The following KCNJ6 variants were observed in gnomAD, a reference collection of about 807,000 sequenced individuals.
KCNJ6 encodes G protein-activated inward rectifier potassium channel 2.
Under a neutral mutation model 34.2 loss-of-function variants are expected in KCNJ6, and 9 were observed. The observed-to-expected ratio is 0.26, with a 90% CI of 0.16 to 0.46. KCNJ6 has a LOEUF of 0.46. KCNJ6 is among the 20% of genes least tolerant of loss of function. The pLI is 1.00. For missense variants in KCNJ6, 236 were observed against 531.3 expected (o/e 0.44, Z 5.46); for synonymous variants, 196 against 207.1 (o/e 0.95, Z 0.46).
At chr21:37,912,428 C>A (rs967843582) in intron 1 of KCNJ6, among the ~76,000 whole-genome samples, 1 of 152,140 alleles carries the variant, frequency 6.6e-6, no homozygotes, top group Non-Finnish European at 1.5e-5. Context: ...TGACACCACC[C>A]CCCTTTTTAA....
intron 1 of KCNJ6, among the ~76,000 whole-genome samples, chr21:37,899,529 T>A (rs1464705191): frequency 6.6e-6 from 1 of 152,172 alleles, no homozygotes; most frequent in Non-Finnish European, 1.5e-5. Context: ...ACCACACTTT[T>A]GCTGACACTC....
At chr21:37,911,930 T>C (rs2055868787) in intron 1 of KCNJ6, among the ~76,000 whole-genome samples, 1 of 152,204 alleles carries the variant, frequency 6.6e-6, no homozygotes, top group Non-Finnish European at 1.5e-5. Context: ...CTTAAATAAC[T>C]ATTCTAATTT....
At chr21:37,778,202 A>G (rs1291131344) in intron 2 of KCNJ6, among the ~76,000 whole-genome samples, 1 of 152,182 alleles carries the variant, frequency 6.6e-6, no homozygotes, top group Non-Finnish European at 1.5e-5. Context: ...TGACTAGGGT[A>G]TGATTCTGTC....
Position 37,803,096 on chromosome 21 carries a change from C to T in KCNJ6, c.25+37562G>A, listed in dbSNP as rs149941812. ...CGTCCTTGGCTCATCCTTGTCAACG[C>T]ACAGCGAACTGGTTAAATTCTAAGC... On this transcript the variant is annotated intron_variant, in intron 2 of 3. Transcript: ENST00000609713. Among the ~76,000 whole-genome samples, 839 of 152,306 alleles carry T rather than the reference C, an allele frequency of 5.5e-3. 5 individuals are homozygous for T. The highest frequency in any genetic ancestry group is 0.016 in the African/African-American group (675 of 41,564).
At chr21:37,819,122 G>T (rs1290330201) in intron 2 of KCNJ6, among the ~76,000 whole-genome samples, 1 of 152,118 alleles carries the variant, frequency 6.6e-6, no homozygotes, top group African/African-American at 2.4e-5. Flanking sequence ...ATTGGCCTTG[G>T]GTAGTTATTA....
intron 2 of KCNJ6, among the ~76,000 whole-genome samples, chr21:37,768,846 C>T (rs963820894): frequency 5.9e-5 from 9 of 152,232 alleles, no homozygotes; most frequent in Admixed American, 1.3e-4. Context: ...AATGGCAAAA[C>T]GTAATTGAAT....
chr21:37,818,247 C>T (rs899609779), intron 2 of KCNJ6, among the ~76,000 whole-genome samples: 1 of 119,916 alleles, frequency 8.3e-6, no homozygotes, highest in Non-Finnish European at 1.8e-5. Flanking sequence ...TGTGTGTGTA[C>T]TCTGAATGCT....
At chr21:37,780,588 G>T (rs965451170) in intron 2 of KCNJ6, among the ~76,000 whole-genome samples, 7 of 151,932 alleles carry the variant, frequency 4.6e-5, no homozygotes, top group African/African-American at 1.7e-4. Context: ...TGGGGGTGGG[G>T]GAGTGCAGGT....
intron 1 of KCNJ6, 30 bp from the exon 2 acceptor site, chr21:37,840,739 G>A: frequency 8.2e-7 from 1 of 1,222,576 alleles, no homozygotes. Flanking sequence ...ACAATTATCT[G>A]TAAAACATGT....
intron 2 of KCNJ6, among the ~76,000 whole-genome samples, chr21:37,809,550 T>C (rs751891165): frequency 9.2e-5 from 14 of 152,134 alleles, no homozygotes; most frequent in Non-Finnish European, 1.9e-4. Flanking sequence ...AAAGATATTA[T>C]TATTCTTAGA....
chr21:37,874,894 G>C (rs1315123583), intron 1 of KCNJ6, among the ~76,000 whole-genome samples: 1 of 152,152 alleles, frequency 6.6e-6, no homozygotes, highest in African/African-American at 2.4e-5. Context: ...GCAATGACCT[G>C]ACTGGCCTCT....
rs534248411 is a variant in KCNJ6, at chr21:37,675,774, C to G, written c.946+38437G>C. Reference sequence around the variant, plus strand: ...AAGAATTTGGAGGTCCACCCCTAAACAGTCCATCACTGTTACATTGACTCC... The same window carrying G: ...AAGAATTTGGAGGTCCACCCCTAAAGAGTCCATCACTGTTACATTGACTCC... On this transcript the variant is annotated intron_variant, in intron 3 of 3. Coordinates refer to ENST00000609713, the MANE Select transcript of KCNJ6 (RefSeq NM_002240.5). This position sits in a 1 kb window ranked among gnomAD's most constrained non-coding sequence, Gnocchi z 4.2. 6.2e-4 allele frequency among the ~76,000 whole-genome samples: 94 copies of G among 152,328 alleles called. No individual in the cohort carries two copies. The highest frequency in any genetic ancestry group is 3.4e-3 in the Middle Eastern group (1 of 294).
At chr21:37,662,443 A>G (rs1345408209) in intron 3 of KCNJ6, among the ~76,000 whole-genome samples, 1 of 152,168 alleles carries the variant, frequency 6.6e-6, no homozygotes, top group East Asian at 1.9e-4. Flanking sequence ...ACATGATCTC[A>G]TTCCTTTTTA....
Position 37,661,573 on chromosome 21 carries a change from T to TA in KCNJ6, c.947-36090dup, listed in dbSNP as rs1412732339. Among the ~76,000 whole-genome samples the TA allele has an allele frequency of 4.9e-5, 7 of 143,906 alleles. No individual in the cohort carries two copies. The East Asian group carries it at 6.4e-4, about 13-fold the overall frequency. 94.4% of individuals were successfully genotyped at this position (143,906 alleles called of 152,430 possible). On this transcript the variant is annotated intron_variant, in intron 3 of 3. Transcript: ENST00000609713. ...AGTCATATTAATCTATAGCTACATG[T>TA]AAAAAAATTAGAAGCTCCACCCATT...
intron 1 of KCNJ6, among the ~76,000 whole-genome samples, chr21:37,843,130 G>A (rs2055489362): frequency 6.6e-6 from 1 of 152,178 alleles, no homozygotes; most frequent in Admixed American, 6.5e-5. Context: ...GCCCTGTTTA[G>A]TGTGTCTGTT....
chr21:37,785,444 A>G (rs1473413261), intron 2 of KCNJ6, among the ~76,000 whole-genome samples: 1 of 152,226 alleles, frequency 6.6e-6, no homozygotes, highest in Non-Finnish European at 1.5e-5. Flanking sequence ...ACAGGCATCC[A>G]TGTCTTAATG....
intron 2 of KCNJ6, among the ~76,000 whole-genome samples, chr21:37,833,433 T>C (rs2836005): frequency 0.068 from 10,356 of 152,248 alleles, 693 homozygotes; most frequent in East Asian, 0.39. Context: ...GGCGAGGTTA[T>C]TGACTTGCTT....
intron 1 of KCNJ6, among the ~76,000 whole-genome samples, chr21:37,846,044 G>C (rs1362521436): frequency 6.6e-6 from 1 of 152,158 alleles, no homozygotes; most frequent in Non-Finnish European, 1.5e-5. Flanking sequence ...ACAACGTTAA[G>C]TGTCTTGTTT....
chr21:37,680,267 G>A (rs558122069), intron 3 of KCNJ6, among the ~76,000 whole-genome samples: 4 of 152,110 alleles, frequency 2.6e-5, no homozygotes, highest in Admixed American at 6.5e-5. Context: ...AAGCCCTCTC[G>A]AGACAATTCA....
Sources: gnomAD v4.1 joint callset for allele counts (sites outside exome capture counted in the v4.1 genomes callset) on GRCh38, gnomAD v4.1.1 for gene constraint, Gnocchi (gnomAD v3.1) non-coding constraint, MANE v1.5 for transcripts, NCBI Gene and HGNC (gene_info 2026-07-23, HGNC 2026-07-21) for gene names.